The following FARP1 variants were observed in gnomAD, a reference collection of about 807,000 sequenced individuals.
FARP1 encodes the protein FERM, ARHGEF and pleckstrin domain-containing protein 1.
A neutral mutation model predicts 128.8 loss-of-function variants in FARP1; 52 were observed. The ratio of observed to expected loss-of-function variants is 0.40; its 90% confidence interval spans 0.32 to 0.51. The LOEUF (loss-of-function observed/expected upper bound fraction) is 0.51, where lower values mean the gene tolerates loss of function less well. FARP1 is among the 20% of genes least tolerant of loss of function. The pLI, the probability that FARP1 is intolerant of heterozygous loss-of-function variation, is 0.45. For synonymous variants in FARP1, 580 were observed against 551.8 expected (o/e 1.05, Z -0.72); for missense variants, 1,333 against 1,367.9 (o/e 0.97, Z 0.40).
At chr13:98,325,708 G>T (rs1380054789) in intron 2 of FARP1, among the ~76,000 whole-genome samples, 1 of 152,210 alleles carries the variant, frequency 6.6e-6, no homozygotes, top group Non-Finnish European at 1.5e-5. Flanking sequence ...GTTTCCTCAA[G>T]AATATTTGTC....
At chr13:98,295,852 G>A (rs1885663574) in intron 2 of FARP1, among the ~76,000 whole-genome samples, 1 of 152,192 alleles carries the variant, frequency 6.6e-6, no homozygotes, top group African/African-American at 2.4e-5. Flanking sequence ...GGTATTCTGA[G>A]AGTCCTTTCT....
At chr13:98,238,692 A>C in intron 2 of FARP1, among the ~76,000 whole-genome samples, 1 of 152,198 alleles carries the variant, frequency 6.6e-6, no homozygotes, top group East Asian at 1.9e-4. Flanking sequence ...ACCTGCCCCC[A>C]TGATTCAGTT....
At chr13:98,377,750 C>A in intron 5 of FARP1, 71 bp from the exon 6 acceptor site, 1 of 1,126,594 alleles carries the variant, frequency 8.9e-7, no homozygotes, top group Non-Finnish European at 1.4e-6. Context: ...CTTGGCCTCT[C>A]ATGGTGAGGC....
chr13:98,295,093 A>ATCC, intron 2 of FARP1, among the ~76,000 whole-genome samples: 1 of 36,256 alleles, frequency 2.8e-5, no homozygotes, highest in Non-Finnish European at 6.6e-5. Flanking sequence ...ACACACACAC[A>ATCC]CACACACACA....
At chr13:98,338,008 T>C (rs765619993) in intron 2 of FARP1, among the ~76,000 whole-genome samples, 21 of 152,356 alleles carry the variant, frequency 1.4e-4, no homozygotes, top group Admixed American at 2.6e-4. Context: ...TTCTTTGTTT[T>C]CTTATTTTTA....
intron 3 of FARP1, among the ~76,000 whole-genome samples, chr13:98,356,442 A>G (rs2139930161): frequency 6.6e-6 from 1 of 152,288 alleles, no homozygotes; most frequent in East Asian, 1.9e-4. Flanking sequence ...CCACTGACGT[A>G]TTATGCGCCT....
intron 3 of FARP1, among the ~76,000 whole-genome samples, chr13:98,349,088 A>G (rs542449263): frequency 4.6e-5 from 7 of 152,336 alleles, no homozygotes; most frequent in African/African-American, 9.6e-5. Context: ...TCATTGGCCT[A>G]TTGAGGCTAG....
At chr13:98,439,361 C>G (rs1317278821) in intron 21 of FARP1, among the ~76,000 whole-genome samples, 165 bp downstream of exon 21, 2 of 152,190 alleles carry the variant, frequency 1.3e-5, no homozygotes, top group Non-Finnish European at 2.9e-5. Flanking sequence ...GAAGACCATA[C>G]AACCCTTTCA....
rs993529520 is a variant in FARP1, at chr13:98,454,029, G to C, written c.*5712G>C. On this transcript the variant is annotated 3_prime_UTR_variant, in exon 27 of 27. Transcript: ENST00000319562. Reference sequence around the variant, plus strand: ...GCTGGCGCTCAAAAGTTTCAGATTGGGGATTTGGGATATTCAGCCTGTATA... The same window carrying C: ...GCTGGCGCTCAAAAGTTTCAGATTGCGGATTTGGGATATTCAGCCTGTATA... The C allele has an allele frequency of 1.1e-4, 16 of 152,052 alleles. No individual in the cohort carries two copies. Among genetic ancestry groups the C allele is most frequent in the African/African-American group, 3.9e-4 (16 of 41,376 alleles). 9.4% of individuals were successfully genotyped at this position (152,052 alleles called of 1,614,324 possible).
At chr13:98,422,051 G>C (rs1222126832) in intron 16 of FARP1, among the ~76,000 whole-genome samples, 11 of 152,170 alleles carry the variant, frequency 7.2e-5, no homozygotes, top group Admixed American at 7.2e-4. Flanking sequence ...CGGCAAATAG[G>C]AGGGCTTGTA....
intron 2 of FARP1, among the ~76,000 whole-genome samples, chr13:98,312,201 C>T (rs1460681753): frequency 7.7e-6 from 1 of 129,236 alleles, no homozygotes; most frequent in East Asian, 2.5e-4. Flanking sequence ...AGTGGAGTGG[C>T]GTGATCTTGG....
chr13:98,243,759 C>T (rs572450497), intron 2 of FARP1, among the ~76,000 whole-genome samples: 5 of 151,012 alleles, frequency 3.3e-5, no homozygotes, highest in Non-Finnish European at 5.9e-5. Context: ...ATTAATCACC[C>T]TTTTTTTCCA....
intron 1 of FARP1, among the ~76,000 whole-genome samples, chr13:98,203,282 G>C (rs1880068784): frequency 6.6e-6 from 1 of 152,174 alleles, no homozygotes; most frequent in Non-Finnish European, 1.5e-5. Flanking sequence ...ACCTGTTTCA[G>C]GTGTACAATT....
At chr13:98,262,794 C>G (rs559146221) in intron 2 of FARP1, among the ~76,000 whole-genome samples, 1 of 152,110 alleles carries the variant, frequency 6.6e-6, no homozygotes, top group African/African-American at 2.4e-5. Flanking sequence ...CTCTGTCAGA[C>G]CCGAAGTTAA....
chr13:98,242,371 A>G (rs1311316203), intron 2 of FARP1, among the ~76,000 whole-genome samples: 1 of 152,118 alleles, frequency 6.6e-6, no homozygotes, highest in African/African-American at 2.4e-5. Flanking sequence ...TTTTCATCCT[A>G]AAGAGGATTT....
At chr13:98,190,259 G>A (rs748616875) in intron 1 of FARP1, among the ~76,000 whole-genome samples, 2 of 152,120 alleles carry the variant, frequency 1.3e-5, no homozygotes, top group Non-Finnish European at 2.9e-5. Context: ...CAATTATGGT[G>A]CAAACCTTTT....
Position 98,440,236 on chromosome 13 carries a change from G to A in FARP1, c.2629+1G>A. 2 of 1,608,982 alleles carry A rather than the reference G, an allele frequency of 1.2e-6. No homozygotes were observed. The highest frequency in any genetic ancestry group is 1.7e-6 in the Non-Finnish European group (2 of 1,175,444). On this transcript the variant is annotated splice_donor_variant, in intron 23 of 26. Coordinates refer to ENST00000319562, the MANE Select transcript of FARP1 (RefSeq NM_005766.4). LOFTEE classifies it high-confidence loss of function. ...CTGGCCAGCAGCCCCCCTGACAACA[G>A]TGAGTGTGGCCAGGGCAGCTTTCCC...
chr13:98,350,838 A>T (rs184668832), intron 3 of FARP1, among the ~76,000 whole-genome samples: 1 of 152,120 alleles, frequency 6.6e-6, no homozygotes, highest in African/African-American at 2.4e-5. Flanking sequence ...ACCAATCCAG[A>T]GGCCTATCCA....
chr13:98,304,504 A>T (rs1886054816), intron 2 of FARP1, among the ~76,000 whole-genome samples: 1 of 152,128 alleles, frequency 6.6e-6, no homozygotes, highest in Admixed American at 6.5e-5. Flanking sequence ...TCCTGCTTTG[A>T]GATAACTCTA....
Sources: gnomAD v4.1 joint callset for allele counts (sites outside exome capture counted in the v4.1 genomes callset) on GRCh38, gnomAD v4.1.1 for gene constraint, MANE v1.5 for transcripts, NCBI Gene and HGNC (gene_info 2026-07-23, HGNC 2026-07-21) for gene names.